The following RNF150 variants were observed in gnomAD, a reference collection of about 807,000 sequenced individuals.
RNF150 encodes the protein ring finger protein 150.
In RNF150, 24 loss-of-function variants were observed where a neutral mutation model predicts 39.3. The ratio of observed to expected loss-of-function variants is 0.61; its 90% CI spans 0.44 to 0.86. The LOEUF (loss-of-function observed/expected upper bound fraction) is 0.86. Ranked by LOEUF, RNF150 falls within the 40% of genes least tolerant of loss-of-function variation. The pLI is 0.00. For missense variants in RNF150, 502 were observed against 587.8 expected, an observed-to-expected ratio of 0.85 and a Z score of 1.51; for synonymous variants, 255 against 227.3, an observed-to-expected ratio of 1.12 and a Z score of -1.10.
intron 1 of RNF150, among the ~76,000 whole-genome samples, chr4:141,111,811 T>C (rs1297947734): frequency 6.6e-6 from 1 of 152,200 alleles, no homozygotes. Context: ...TACCTGTATA[T>C]GGACATATTT....
At chr4:140,918,423 A>G (rs1486705615) in intron 5 of RNF150, among the ~76,000 whole-genome samples, 1 of 152,256 alleles carries the variant, frequency 6.6e-6, no homozygotes, top group Non-Finnish European at 1.5e-5. Context: ...CAAATAAACT[A>G]GAAAATTTAG....
intron 5 of RNF150, among the ~76,000 whole-genome samples, chr4:140,912,190 T>C (rs1264664846): frequency 3.3e-5 from 5 of 152,236 alleles, no homozygotes; most frequent in Non-Finnish European, 2.9e-5. Context: ...CAAGTTTTAC[T>C]CTTTTATCTC....
At position 141,073,482 on chromosome 4, in the gene RNF150, C is replaced by A. The variant is rs1175665037; in HGVS notation, c.484+58843G>T. Among the ~76,000 whole-genome samples the A allele has an allele frequency of 1.1e-4, 17 of 152,030 alleles. No individual in the cohort carries two copies. The East Asian group carries it at 3.1e-3, about 28-fold the overall frequency. ...GGCAATAATCTCCCCGCTTCCATTTCATGGGGGATGCAAAATAAAATGAGA... is the reference window on the plus strand; with the variant it reads ...GGCAATAATCTCCCCGCTTCCATTTAATGGGGGATGCAAAATAAAATGAGA... On this transcript the variant is annotated intron_variant, in intron 1 of 6. Transcript: ENST00000515673.
intron 1 of RNF150, among the ~76,000 whole-genome samples, chr4:141,062,259 C>T (rs568814622): frequency 2.1e-4 from 32 of 152,074 alleles, no homozygotes; most frequent in African/African-American, 7.7e-4. Context: ...GTAAAATTCT[C>T]TTTGTTTTAT....
intron 1 of RNF150, among the ~76,000 whole-genome samples, chr4:141,075,475 T>G (rs529031259): frequency 6.6e-6 from 1 of 152,384 alleles, no homozygotes; most frequent in African/African-American, 2.4e-5. Context: ...TTATGTTTAC[T>G]AATTAGAATT....
intron 1 of RNF150, among the ~76,000 whole-genome samples, chr4:141,100,834 A>G (rs1323615433): frequency 2.6e-5 from 4 of 152,258 alleles, no homozygotes; most frequent in Non-Finnish European, 5.9e-5. Flanking sequence ...AAACCTGTAC[A>G]GCATGTTACT....
intron 6 of RNF150, among the ~76,000 whole-genome samples, chr4:140,887,974 T>C (rs918748824): frequency 6.6e-6 from 1 of 152,226 alleles, no homozygotes; most frequent in Non-Finnish European, 1.5e-5. Flanking sequence ...TGGCATCATT[T>C]TACATCAACC....
rs1007361342 is a variant in RNF150, at chr4:140,915,116, C to T, written c.988-3762G>A. On this transcript the variant is annotated intron_variant, in intron 5 of 6. Transcript: ENST00000515673. ...TGCCAGCCTTCAAGGCTCTGAAGGG[C>T]TGTAATTCCATAGACATTTATTGAG... 3.3e-5 allele frequency among the ~76,000 whole-genome samples: 5 copies of T among 152,100 alleles called. No individual in the cohort carries two copies. The East Asian group carries it at 7.7e-4, about 23-fold the overall frequency.
At chr4:140,980,395 A>T (rs921463242) in intron 1 of RNF150, among the ~76,000 whole-genome samples, 10 of 152,136 alleles carry the variant, frequency 6.6e-5, no homozygotes, top group African/African-American at 2.4e-4. Flanking sequence ...TTACAATTAA[A>T]AAACAATCAC....
chr4:141,049,155 A>C (rs1736687692), intron 1 of RNF150, among the ~76,000 whole-genome samples: 1 of 152,222 alleles, frequency 6.6e-6, no homozygotes, highest in South Asian at 2.1e-4. Context: ...TCAAAGGTTT[A>C]TATTTTGCTT....
chr4:141,096,530 A>G (rs1479882808), intron 1 of RNF150, among the ~76,000 whole-genome samples: 1 of 151,850 alleles, frequency 6.6e-6, no homozygotes, highest in Admixed American at 6.6e-5. Flanking sequence ...AATTAATTAT[A>G]CCCATTTTAG....
rs1277771403 is a variant in RNF150 at position 141,070,172 on chromosome 4, A to G, written c.484+62153T>C. Among the ~76,000 whole-genome samples the G allele has an allele frequency of 5.3e-5, 8 of 152,322 alleles. No individual in the cohort carries two copies. In the East Asian group the frequency reaches 1.5e-3, roughly 29 times the overall value. ...ATAAATGGTGCTGGGAAAACTGGCT[A>G]GACATATGTAGAAAGCTGAAACTGG... On this transcript the variant is annotated intron_variant, in intron 1 of 6. Coordinates refer to ENST00000515673, the MANE Select transcript of RNF150 (RefSeq NM_020724.2).
intron 6 of RNF150, among the ~76,000 whole-genome samples, chr4:140,907,041 C>G (rs996085506): frequency 6.6e-6 from 1 of 152,190 alleles, no homozygotes; most frequent in African/African-American, 2.4e-5. Flanking sequence ...GTGTCTTTCT[C>G]TCACTTCTCT....
intron 1 of RNF150, among the ~76,000 whole-genome samples, chr4:141,181,243 T>C (rs1226361255): frequency 2.6e-5 from 4 of 152,088 alleles, no homozygotes; most frequent in Non-Finnish European, 5.9e-5. Flanking sequence ...TCACTAAGAA[T>C]GAAAAGAAAA....
At chr4:140,999,952 A>C (rs1383442080) in intron 1 of RNF150, among the ~76,000 whole-genome samples, 4 of 38,422 alleles carry the variant, frequency 1.0e-4, no homozygotes, top group South Asian at 2.6e-3. Context: ...AAAGAAGAAG[A>C]AGAAGAAGAA....
intron 6 of RNF150, among the ~76,000 whole-genome samples, chr4:140,901,072 T>C (rs780576346): frequency 2.6e-5 from 4 of 152,194 alleles, no homozygotes; most frequent in Non-Finnish European, 5.9e-5. Flanking sequence ...TAATATAAAA[T>C]AGTAAAGGTC....
intron 4 of RNF150, among the ~76,000 whole-genome samples, chr4:140,939,493 T>C (rs1469797241): frequency 6.6e-6 from 1 of 152,120 alleles, no homozygotes; most frequent in Non-Finnish European, 1.5e-5. Context: ...GAATCAGTTA[T>C]CTATTTAGAA....
intron 1 of RNF150, among the ~76,000 whole-genome samples, chr4:140,976,097 A>T (rs542356908): frequency 6.6e-6 from 1 of 152,202 alleles, no homozygotes; most frequent in South Asian, 2.1e-4. Flanking sequence ...CTATGAAGAC[A>T]CTGATTTCTC....
intron 1 of RNF150, among the ~76,000 whole-genome samples, chr4:141,037,578 A>T (rs956838552): frequency 6.6e-6 from 1 of 152,190 alleles, no homozygotes; most frequent in African/African-American, 2.4e-5. Context: ...CAATAAAATA[A>T]TATCATTTAT....
Sources: allele counts gnomAD v4.1 joint callset (sites outside exome capture counted in the v4.1 genomes callset), GRCh38; gene constraint gnomAD v4.1.1; transcripts MANE v1.5; gene names NCBI Gene and HGNC (gene_info 2026-07-23, HGNC 2026-07-21).